Variants in TNS1 observed in about 807,000 individuals in gnomAD.
TNS1 encodes the protein tensin 1, also known as tensin-1.
TNS1 carries 62 observed loss-of-function variants against 168.6 expected under a neutral mutation model. The ratio of observed to expected loss-of-function variants is 0.37; its 90% CI spans 0.30 to 0.45. The LOEUF is 0.45. TNS1 is among the 20% of genes least tolerant of loss of function. The pLI is 1.00. For synonymous variants in TNS1, 934 were observed against 933.2 expected (o/e 1.00, Z -0.02); for missense variants, 2,240 against 2,339.4 (o/e 0.96, Z 0.88).
intron 32 of TNS1, 53 bp from the exon 33 acceptor site, chr2:217,804,656 G>A (rs1426050510): frequency 3.1e-6 from 5 of 1,605,976 alleles, no homozygotes; most frequent in Non-Finnish European, 3.4e-6. Flanking sequence ...GGAACCCCAG[G>A]AGGTGGACAG....
At chr2:217,905,624 G>C (rs1026093007) in intron 6 of TNS1, among the ~76,000 whole-genome samples, 1 of 152,196 alleles carries the variant, frequency 6.6e-6, no homozygotes, top group Non-Finnish European at 1.5e-5. Flanking sequence ...GGGTGAAGAC[G>C]GAGGGGCCAG....
intron 1 of TNS1, among the ~76,000 whole-genome samples, chr2:218,017,461 A>T (rs1285918681): frequency 6.6e-6 from 1 of 152,206 alleles, no homozygotes; most frequent in Non-Finnish European, 1.5e-5. Context: ...CAGTGTCCTC[A>T]TCTGCAACTT....
chr2:217,937,294 T>A (rs900166207), intron 3 of TNS1: 1 of 318,540 alleles, frequency 3.1e-6, no homozygotes, highest in African/African-American at 2.2e-5. Flanking sequence ...AAGTGAACAA[T>A]CCAGCGGCCC....
At chr2:217,943,475 C>T (rs1957014960) in intron 3 of TNS1, among the ~76,000 whole-genome samples, 1 of 152,178 alleles carries the variant, frequency 6.6e-6, no homozygotes, top group Admixed American at 6.5e-5. Context: ...GCTTCCCCCT[C>T]CCTTGGTCCC....
At chr2:217,882,683 T>G (rs1405511277) in intron 16 of TNS1, among the ~76,000 whole-genome samples, 1 of 152,178 alleles carries the variant, frequency 6.6e-6, no homozygotes, top group South Asian at 2.1e-4. Context: ...AATTTACCTC[T>G]AAGACTCTAA....
rs1208279122 is a variant in TNS1, at chr2:217,990,993, G to GCTTCACCTTCTTGAAGGT, written c.79_96dup (p.Thr27_Lys32dup). 8 of 695,764 alleles carry GCTTCACCTTCTTGAAGGT rather than the reference G, an allele frequency of 1.1e-5. No individual in the cohort carries two copies. The highest frequency in any genetic ancestry group is 3.5e-5 in the African/African-American group (2 of 57,326). The allele number at this position is 695,764 out of a possible 1,614,324, so 43.1% of individuals were successfully genotyped here. A position where few individuals can be genotyped will look rare whatever the true frequency, so the allele number is the denominator to read the frequency against. ...ATGACCTGGCGGCAGATCCCACAGG[G>GCTTCACCTTCTTGAAGGT]CTTCACCTTCTTGAAGGTCTTCACC... On this transcript the variant is annotated inframe_insertion, in exon 2 of 33. Coordinates refer to ENST00000682258, the MANE Select transcript of TNS1 (RefSeq NM_001387777.1).
chr2:217,987,757 A>G (rs1292434960), intron 2 of TNS1, among the ~76,000 whole-genome samples: 1 of 152,208 alleles, frequency 6.6e-6, no homozygotes. Flanking sequence ...GAAGGCTGGG[A>G]GCAGAGTAAA....
At chr2:217,887,377 C>T (rs1316418238) in intron 12 of TNS1, among the ~76,000 whole-genome samples, 2 of 152,136 alleles carry the variant, frequency 1.3e-5, no homozygotes, top group African/African-American at 2.4e-5. Flanking sequence ...GGCGCAATCT[C>T]GGCTCACCGC....
At chr2:217,962,928 T>A (rs1575141552) in intron 3 of TNS1, among the ~76,000 whole-genome samples, 1 of 152,164 alleles carries the variant, frequency 6.6e-6, no homozygotes, top group Non-Finnish European at 1.5e-5. Context: ...GTCAGATCAA[T>A]GTGAATGTCC....
At chr2:217,890,819 C>A in intron 12 of TNS1, 143 bp downstream of exon 12, 1 of 817,064 alleles carries the variant, frequency 1.2e-6, no homozygotes, top group Non-Finnish European at 2.0e-6. Context: ...GCTCACACCA[C>A]TGCAGGCTGG....
At chr2:218,004,773 G>A (rs1958642379), upstream of TNS1, among the ~76,000 whole-genome samples, 1 of 152,140 alleles carries the variant, frequency 6.6e-6, no homozygotes, top group Admixed American at 6.5e-5. Flanking sequence ...CTCTGGGGCT[G>A]GGAAAGATCC....
chr2:217,813,143 C>T lies in TNS1; in HGVS notation c.4954+72G>A, dbSNP rs1482971704. The T allele has an allele frequency of 8.8e-7, 1 of 1,140,578 alleles. No individual in the cohort carries two copies. Among genetic ancestry groups the T allele is most frequent in the Admixed American group, 2.0e-5 (1 of 50,814 alleles). The allele number at this position is 1,140,578 out of a possible 1,614,324, so 70.7% of individuals were successfully genotyped here. ...CTGTCAGAAAGAACTTGGGGTCAGA[C>T]CCCTGGAGGAACCCAGGACAGGACC... is the stretch of plus-strand genomic sequence containing the variant. On this transcript the variant is annotated intron_variant, in intron 27 of 32. Transcript: ENST00000682258. This position sits in a 1 kb window ranked among gnomAD's most constrained non-coding sequence, Gnocchi z 4.0.
chr2:217,865,658 C>G (rs187398534), intron 18 of TNS1, among the ~76,000 whole-genome samples: 1 of 152,294 alleles, frequency 6.6e-6, no homozygotes, highest in Non-Finnish European at 1.5e-5. Context: ...CTGAAGCTCC[C>G]CACATCCATC....
intron 3 of TNS1, among the ~76,000 whole-genome samples, chr2:217,925,528 G>A (rs1299378324): frequency 6.6e-6 from 1 of 152,154 alleles, no homozygotes; most frequent in Non-Finnish European, 1.5e-5. Context: ...GGACAGCTTT[G>A]CCCCTAGCTT....
intron 19 of TNS1, among the ~76,000 whole-genome samples, chr2:217,840,773 C>A (rs1199001120): frequency 6.6e-6 from 1 of 152,236 alleles, no homozygotes; most frequent in African/African-American, 2.4e-5. Context: ...GAGTGCTGGA[C>A]TGTCCAGAGC....
At chr2:218,031,400 AGTGT>A (rs777186109) in intron 1 of TNS1, among the ~76,000 whole-genome samples, 1 of 140,132 alleles carries the variant, frequency 7.1e-6, no homozygotes, top group Non-Finnish European at 1.5e-5. Context: ...GTCTTGTGTG[AGTGT>A]GTGAGTGCAC....
chr2:217,923,362 A>G (rs1955835479), intron 3 of TNS1, among the ~76,000 whole-genome samples: 3 of 152,148 alleles, frequency 2.0e-5, no homozygotes. Flanking sequence ...AAATCACAGC[A>G]GCAAATAAAC....
chr2:217,910,694 T>C (rs1020174959), intron 4 of TNS1, among the ~76,000 whole-genome samples: 6 of 149,154 alleles, frequency 4.0e-5, no homozygotes, highest in African/African-American at 1.5e-4. Flanking sequence ...AGGATGTTTC[T>C]ACAGCTACCA....
intron 21 of TNS1, among the ~76,000 whole-genome samples, chr2:217,832,614 C>A (rs1944599786): frequency 6.6e-6 from 1 of 152,206 alleles, no homozygotes; most frequent in Non-Finnish European, 1.5e-5. Context: ...ACCCTCCCTG[C>A]CCCTGCTGCT....
Sources: gnomAD v4.1 joint callset for allele counts (sites outside exome capture counted in the v4.1 genomes callset) on GRCh38, gnomAD v4.1.1 for gene constraint, Gnocchi (gnomAD v3.1) non-coding constraint, MANE v1.5 for transcripts, NCBI Gene and HGNC (gene_info 2026-07-23, HGNC 2026-07-21) for gene names.